The following EML6 variants were observed in gnomAD, a reference collection of about 807,000 sequenced individuals.
EML6 encodes the protein echinoderm microtubule-associated protein-like 6.
A neutral mutation model predicts 240.1 loss-of-function variants in EML6; 154 were observed. The observed-to-expected ratio is 0.64, with a 90% confidence interval of 0.56 to 0.73. EML6 has a LOEUF of 0.73. Ranked by LOEUF, EML6 falls within the 30% of genes least tolerant of loss-of-function variation. The pLI, the probability that EML6 is intolerant of heterozygous loss-of-function variation, is 0.00. For synonymous variants in EML6, 1,148 were observed against 899.0 expected, an observed-to-expected ratio of 1.28 and a Z score of -4.95; for missense variants, 2,964 against 2,474.6, an observed-to-expected ratio of 1.20 and a Z score of -4.20.
In EML6 at chr2:54,774,267, C is replaced by T. The variant is rs1343094842; in HGVS notation, c.198-38965C>T. 2.0e-5 allele frequency among the ~76,000 whole-genome samples: 3 copies of T among 152,132 alleles called. No homozygotes were observed. Among genetic ancestry groups the T allele is most frequent in the African/African-American group, 7.2e-5 (3 of 41,414 alleles). On this transcript the variant is annotated intron_variant, in intron 2 of 41. Coordinates refer to ENST00000356458, the MANE Select transcript of EML6 (RefSeq NM_001039753.4). The surrounding 1 kb of genome is among the most constrained non-coding windows in gnomAD (Gnocchi z 4.1). Reference sequence around the variant, plus strand: ...TCAGCTTGCAAAATGTTTATTGGATCAGTAGTGATGGAAGGGAGGGCAGAG... The same window carrying T: ...TCAGCTTGCAAAATGTTTATTGGATTAGTAGTGATGGAAGGGAGGGCAGAG...
chr2:54,959,887 G>C (rs1676415362), intron 34 of EML6, among the ~76,000 whole-genome samples: 1 of 152,238 alleles, frequency 6.6e-6, no homozygotes, highest in South Asian at 2.1e-4. Context: ...GAGGAGAAGA[G>C]GGGAGATGCA....
At chr2:54,932,772 G>A (rs549539413) in intron 28 of EML6, among the ~76,000 whole-genome samples, 3 of 152,246 alleles carry the variant, frequency 2.0e-5, no homozygotes, top group Non-Finnish European at 2.9e-5. Context: ...TCCCCAATTC[G>A]TCAAGTGATG....
rs1481533882 is a variant in EML6 at position 54,853,784 on chromosome 2, A to T, written c.1586A>T (p.Asn529Ile). 6.4e-7 allele frequency: 1 copy of T among 1,551,604 alleles called. No homozygotes were observed. The highest frequency in any genetic ancestry group is 2.4e-5 in the East Asian group (1 of 40,920). The change falls in exon 11 of 42, where the codon AAC (asparagine) becomes ATC (isoleucine). Residue 529 changes from asparagine to isoleucine, a missense_variant. Transcript: ENST00000356458. ...ATCAACTCAGTGGATGCGAATTACA[A>T]CAGCTCAGTGCTGGTGTCTGGAGAT... ...TDINSVDANY[N>I]SSVLVSGDDF... is the part of the protein sequence containing the mutation.
Position 54,736,149 on chromosome 2 carries a change from G to C in EML6, c.197+10891G>C, listed in dbSNP as rs188193447. Among the ~76,000 whole-genome samples, 86 of 152,348 alleles carry C rather than the reference G, an allele frequency of 5.6e-4. 1 individual carries two copies. The highest frequency in any genetic ancestry group is 1.2e-3 in the Admixed American group (18 of 15,304). On this transcript the variant is annotated intron_variant, in intron 2 of 41. Transcript: ENST00000356458. ...AGATGAAGCTGGAATAAGTGGGCTGGAGCTAGATAGCTAAGGGATTTACCG... is the reference window on the plus strand; with the variant it reads ...AGATGAAGCTGGAATAAGTGGGCTGCAGCTAGATAGCTAAGGGATTTACCG...
At chr2:54,911,425 C>G (rs1673631345) in intron 25 of EML6, among the ~76,000 whole-genome samples, 1 of 147,136 alleles carries the variant, frequency 6.8e-6, no homozygotes, top group Non-Finnish European at 1.5e-5. Context: ...TTATCTATAA[C>G]AACAGAATTT....
chr2:54,885,736 T>A (rs918893128), intron 17 of EML6, among the ~76,000 whole-genome samples: 1 of 152,072 alleles, frequency 6.6e-6, no homozygotes, highest in Admixed American at 6.5e-5. Context: ...CTCAGCCTCC[T>A]GAGTAGCTGG....
intron 2 of EML6, among the ~76,000 whole-genome samples, chr2:54,773,874 T>G (rs560356463): frequency 6.6e-6 from 1 of 152,340 alleles, no homozygotes; most frequent in East Asian, 1.9e-4. Flanking sequence ...GAGCATAAGC[T>G]TTGGAGTCAG....
At position 54,863,102 on chromosome 2, in the gene EML6, A is replaced by G. The variant is rs531458272; in HGVS notation, c.1826-681A>G. Among the ~76,000 whole-genome samples the G allele has an allele frequency of 9.2e-5, 14 of 152,352 alleles. No homozygotes were observed. The South Asian group carries it at 2.3e-3, about 25-fold the overall frequency. ...GCATGAGCAGGTGATAAAATGAAAA[A>G]TTATTTGAATAAATGTTGACAAGAG... On this transcript the variant is annotated intron_variant, in intron 12 of 41. Coordinates refer to ENST00000356458, the MANE Select transcript of EML6 (RefSeq NM_001039753.4).
chr2:54,915,112 GTTTA>G (rs759173661), intron 25 of EML6, among the ~76,000 whole-genome samples: 1 of 152,188 alleles, frequency 6.6e-6, no homozygotes, highest in Non-Finnish European at 1.5e-5. Context: ...TTTTCAACAA[GTTTA>G]TTTAACCCTT....
At chr2:54,877,088 TCCTCCCAACTCAG>T (rs1426542351) in intron 16 of EML6, among the ~76,000 whole-genome samples, 1 of 151,810 alleles carries the variant, frequency 6.6e-6, no homozygotes, top group Non-Finnish European at 1.5e-5. Context: ...GCTCAATCGA[TCCTCCCAACTCAG>T]CCTCCCAAGT....
At chr2:54,782,164 C>T (rs893996626) in intron 2 of EML6, among the ~76,000 whole-genome samples, 3 of 152,058 alleles carry the variant, frequency 2.0e-5, no homozygotes, top group Non-Finnish European at 4.4e-5. Flanking sequence ...TTTGAATTTC[C>T]CTATCACTTC....
chr2:54,903,518 G>A lies in EML6; in HGVS notation c.3409+16G>A. On this transcript the variant is annotated intron_variant, in intron 24 of 41. Coordinates refer to ENST00000356458, the MANE Select transcript of EML6 (RefSeq NM_001039753.4). ...GACTCTAGAGGTAAAGTATGTTGTG[G>A]CTTTTAAAATAGAATTTCTGTGTTT... 1 of 1,531,596 alleles carries A rather than the reference G, an allele frequency of 6.5e-7. No individual in the cohort carries two copies. Among genetic ancestry groups the A allele is most frequent in the Non-Finnish European group, 8.8e-7 (1 of 1,137,736 alleles). The allele number at this position is 1,531,596 out of a possible 1,614,324, so 94.9% of individuals were successfully genotyped here.
rs189742399 is a variant in EML6, at chr2:54,916,770, A to G, written c.3510A>G (p.Ile1170Met). ...HIIRPSEIEK[I>M]EWDTWTCVLG... Reference sequence around the variant, plus strand: ...TCGTTCTTTTTCAGATCGAGAAGATAGAGTGGGACACATGGACCTGTGTCC... The same window carrying G: ...TCGTTCTTTTTCAGATCGAGAAGATGGAGTGGGACACATGGACCTGTGTCC... Residue 1170 changes from isoleucine to methionine, a missense_variant, in exon 26 of 42, where the codon ATA becomes ATG. Ile to Met is a conservative substitution (Grantham distance 10). Coordinates refer to ENST00000356458, the MANE Select transcript of EML6 (RefSeq NM_001039753.4). 1.5e-3 allele frequency: 2,286 copies of G among 1,498,256 alleles called. 17 individuals are homozygous for G. The highest frequency in any genetic ancestry group is 1.3e-3 in the Non-Finnish European group (1,441 of 1,110,510). 92.8% of individuals were successfully genotyped at this position (1,498,256 alleles called of 1,614,324 possible). A position where few individuals can be genotyped will look rare whatever the true frequency, so the allele number is the denominator to read the frequency against.
chr2:54,838,165 G>A (rs538262306), intron 7 of EML6, among the ~76,000 whole-genome samples: 3 of 152,152 alleles, frequency 2.0e-5, no homozygotes, highest in Non-Finnish European at 4.4e-5. Flanking sequence ...AGGCCCATAG[G>A]GCACTTCATA....
In EML6 at chr2:54,928,525, C is replaced by A. The variant is rs369842754; in HGVS notation, c.3877+11C>A. On this transcript the variant is annotated intron_variant, in intron 27 of 41. Transcript: ENST00000356458. ...TGGAAGAGGATGGAGGTGAGCCCCC[C>A]ACCTGCCACATGCCTCCTGCGCCGA... is the stretch of plus-strand genomic sequence containing the variant. 11 of 1,544,486 alleles carry A rather than the reference C, an allele frequency of 7.1e-6. No individual in the cohort carries two copies. Among genetic ancestry groups the A allele is most frequent in the African/African-American group, 5.5e-5 (4 of 73,008 alleles).
rs1669996444 is a variant in EML6, at chr2:54,850,175, A to G, written c.1401A>G (p.Gln467=). 1.9e-6 allele frequency: 3 copies of G among 1,551,632 alleles called. No individual in the cohort carries two copies. The highest frequency in any genetic ancestry group is 2.7e-5 in the African/African-American group (2 of 73,060). Residue 467 remains glutamine, a synonymous_variant, in exon 10 of 42, where the codon CAA becomes CAG. Transcript: ENST00000356458. Reference sequence around the variant, plus strand: ...GGTCCTTGGATAGTAAATACTTACAAACTAATGACGGTGCAGGAGAACGAT... The same window carrying G: ...GGTCCTTGGATAGTAAATACTTACAGACTAATGACGGTGCAGGAGAACGAT... The part of the protein sequence containing the change: ...IDWSLDSKYL[Q]TNDGAGERLF...
chr2:54,760,142 G>T (rs892532234), intron 2 of EML6, among the ~76,000 whole-genome samples: 1 of 151,068 alleles, frequency 6.6e-6, no homozygotes, highest in African/African-American at 2.4e-5. Flanking sequence ...TGTTTGACTC[G>T]ATCCATATTT....
At chr2:54,834,208 T>C (rs978333081) in intron 7 of EML6, among the ~76,000 whole-genome samples, 4 of 152,272 alleles carry the variant, frequency 2.6e-5, no homozygotes, top group East Asian at 1.9e-4. Flanking sequence ...CCCAGGGTCA[T>C]TAGCATCAAG....
chr2:54,964,738 G>T lies in EML6; in HGVS notation c.5493+5G>T. Reference sequence around the variant, plus strand: ...GCGGATGGCAAATACATTCAGGTATGCTTGGGGTTTACTTATATCTGGGGC... The same window carrying T: ...GCGGATGGCAAATACATTCAGGTATTCTTGGGGTTTACTTATATCTGGGGC... On this transcript the variant is annotated splice_donor_5th_base_variant and intron_variant, in intron 38 of 41. Transcript: ENST00000356458. 1.9e-6 allele frequency: 3 copies of T among 1,551,690 alleles called. No homozygotes were observed. The South Asian group carries it at 3.6e-5, about 18-fold the overall frequency.
Sources: gnomAD v4.1 joint callset for allele counts (sites outside exome capture counted in the v4.1 genomes callset) on GRCh38, gnomAD v4.1.1 for gene constraint, Gnocchi (gnomAD v3.1) non-coding constraint, MANE v1.5 for transcripts, NCBI Gene and HGNC (gene_info 2026-07-23, HGNC 2026-07-21) for gene names.